PHKB: variants seen among roughly 807,000 people sequenced by gnomAD.
PHKB encodes the protein phosphorylase kinase regulatory subunit beta.
Under a neutral mutation model 152.1 loss-of-function variants are expected in PHKB, and 122 were observed. The ratio of observed to expected loss-of-function variants is 0.80; its 90% CI spans 0.69 to 0.93. PHKB has a LOEUF of 0.93. Ranked by LOEUF, PHKB falls within the 40% of genes least tolerant of loss-of-function variation. The pLI is 0.00. For synonymous variants in PHKB, 436 were observed against 464.9 expected (o/e 0.94, Z 0.80); for missense variants, 1,304 against 1,328.4 (o/e 0.98, Z 0.29).
At chr16:47,505,140 T>C (rs1436536459) in intron 4 of PHKB, among the ~76,000 whole-genome samples, 2 of 152,182 alleles carry the variant, frequency 1.3e-5, no homozygotes, top group African/African-American at 4.8e-5. Context: ...GTAAAGTGAA[T>C]GATTGGAGGT....
At chr16:47,573,900 G>A (rs80059849) in intron 7 of PHKB, among the ~76,000 whole-genome samples, 1 of 151,914 alleles carries the variant, frequency 6.6e-6, no homozygotes, top group East Asian at 1.9e-4. Flanking sequence ...CCCTGCTAGG[G>A]TGTGGGAGTG....
At chr16:47,492,514 A>C (rs1970166770) in intron 1 of PHKB, among the ~76,000 whole-genome samples, 1 of 152,216 alleles carries the variant, frequency 6.6e-6, no homozygotes. Context: ...GAAAGACTTC[A>C]TTACTGTTCA....
At chr16:47,689,308 C>T in intron 27 of PHKB, 133 bp downstream of exon 27, 1 of 802,228 alleles carries the variant, frequency 1.2e-6, no homozygotes, top group Non-Finnish European at 2.1e-6. Context: ...GGCCACCCCA[C>T]TAGATGGAAA....
At chr16:47,522,429 CT>C (rs1253667686) in intron 6 of PHKB, among the ~76,000 whole-genome samples, 1 of 151,750 alleles carries the variant, frequency 6.6e-6, no homozygotes, top group Non-Finnish European at 1.5e-5. Context: ...AGTCTTATCC[CT>C]TTTTTTCTTG....
chr16:47,602,941 C>G (rs949605235), intron 13 of PHKB, among the ~76,000 whole-genome samples: 1 of 152,178 alleles, frequency 6.6e-6, no homozygotes, highest in African/African-American at 2.4e-5. Flanking sequence ...GTCTCTCTCT[C>G]TCTCTCTAAG....
rs779755206 is a variant in PHKB at position 47,698,517 on chromosome 16, G to A, written c.3073G>A (p.Asp1025Asn). The A allele has an allele frequency of 6.2e-7, 1 of 1,606,482 alleles. No homozygotes were observed. The highest frequency in any genetic ancestry group is 2.2e-5 in the East Asian group (1 of 44,496). The change falls in exon 30 of 31, where the codon GAC (aspartate) becomes AAC (asparagine). Residue 1025 changes from aspartate to asparagine, a missense_variant. By Grantham distance (23) the Asp-to-Asn change is conservative. Coordinates refer to ENST00000323584, the MANE Select transcript of PHKB (RefSeq NM_000293.3). ...AGAATTTCAAGACAAAGTAGATCTA[G>A]ACAGACTGGTCAAAGAAGCATTTAA... ...ELEFQDKVDL[D>N]RLVKEAFNEF...
chr16:47,545,580 C>G (rs998998498), intron 6 of PHKB, among the ~76,000 whole-genome samples: 5 of 152,126 alleles, frequency 3.3e-5, no homozygotes, highest in Non-Finnish European at 7.4e-5. Flanking sequence ...CTTGAGGTTG[C>G]TCTTTTCGAG....
chr16:47,612,284 C>T (rs1156412669), intron 14 of PHKB, among the ~76,000 whole-genome samples: 1 of 152,160 alleles, frequency 6.6e-6, no homozygotes, highest in Non-Finnish European at 1.5e-5. Flanking sequence ...ACCTCAAAGC[C>T]TTTTCTTAGA....
In PHKB at chr16:47,602,867, C is replaced by G. The variant is rs117939329; in HGVS notation, c.1363+6336C>G. ...CTGCTTCTATTTATAGAGGCCTACT[C>G]TTTGATAGTGACTATGGATATCCAG... On this transcript the variant is annotated intron_variant, in intron 13 of 30. Coordinates refer to ENST00000323584, the MANE Select transcript of PHKB (RefSeq NM_000293.3). 1.5e-4 allele frequency among the ~76,000 whole-genome samples: 23 copies of G among 152,288 alleles called. No individual in the cohort carries two copies. In the East Asian group the frequency reaches 4.2e-3, roughly 28 times the overall value.
At chr16:47,693,286 C>T (rs1184258119) in intron 27 of PHKB, 92 bp from the exon 28 acceptor site, 8 of 1,295,800 alleles carry the variant, frequency 6.2e-6, no homozygotes, top group Non-Finnish European at 8.9e-6. Flanking sequence ...TTATTTCTTA[C>T]CCTATCAGAA....
chr16:47,473,711 C>T (rs1969820905), intron 1 of PHKB, among the ~76,000 whole-genome samples: 1 of 151,992 alleles, frequency 6.6e-6, no homozygotes, highest in Non-Finnish European at 1.5e-5. Flanking sequence ...TTCCAACAGC[C>T]TTAATGAGAA....
At chr16:47,671,780 G>A (rs538096186) in intron 26 of PHKB, among the ~76,000 whole-genome samples, 2 of 152,062 alleles carry the variant, frequency 1.3e-5, no homozygotes, top group Non-Finnish European at 2.9e-5. Flanking sequence ...GAAACATTGC[G>A]AACAACCTAG....
chr16:47,519,556 C>A (rs1416539243), intron 6 of PHKB, among the ~76,000 whole-genome samples: 3 of 152,206 alleles, frequency 2.0e-5, no homozygotes, highest in African/African-American at 7.2e-5. Flanking sequence ...TAGCAAGAGA[C>A]CTTTCCAACT....
intron 7 of PHKB, among the ~76,000 whole-genome samples, chr16:47,558,189 A>G (rs1034002138): frequency 6.9e-6 from 1 of 144,548 alleles, no homozygotes; most frequent in African/African-American, 2.6e-5. Context: ...AACAATGAGA[A>G]CACATGGACA....
chr16:47,489,030 TG>T (rs1273815475), intron 1 of PHKB, among the ~76,000 whole-genome samples: 1 of 152,142 alleles, frequency 6.6e-6, no homozygotes, highest in Non-Finnish European at 1.5e-5. Flanking sequence ...TAAATTGCTT[TG>T]AGTAGTATGG....
chr16:47,587,812 T>G, intron 9 of PHKB, 49 bp downstream of exon 9: 3 of 1,282,196 alleles, frequency 2.3e-6, no homozygotes, highest in Non-Finnish European at 3.4e-6. Flanking sequence ...TGTTTATGAT[T>G]TCTATGTAGT....
intron 7 of PHKB, among the ~76,000 whole-genome samples, chr16:47,577,326 AT>A (rs1971766649): frequency 6.6e-6 from 1 of 152,094 alleles, no homozygotes. Context: ...TATCTTAAAT[AT>A]TTCCTCCATA....
At chr16:47,536,429 G>T (rs780021301) in intron 6 of PHKB, among the ~76,000 whole-genome samples, 5 of 152,170 alleles carry the variant, frequency 3.3e-5, no homozygotes, top group Non-Finnish European at 5.9e-5. Context: ...AGTATTATTT[G>T]TGTGAGAACT....
chr16:47,590,724 A>G (rs868607073), intron 10 of PHKB: 2 of 152,166 alleles, frequency 1.3e-5, no homozygotes, highest in Admixed American at 6.5e-5. Context: ...TCTGCTGAGC[A>G]CCACTAAGGA....
Sources: allele counts gnomAD v4.1 joint callset (sites outside exome capture counted in the v4.1 genomes callset), GRCh38; gene constraint gnomAD v4.1.1; transcripts MANE v1.5; gene names NCBI Gene and HGNC (gene_info 2026-07-23, HGNC 2026-07-21).